The following STK3 variants were observed in gnomAD, a reference collection of about 807,000 sequenced individuals.
STK3 encodes the protein serine/threonine-protein kinase 3.
In STK3, 41 loss-of-function variants were observed where a neutral mutation model predicts 58.0. The observed-to-expected ratio is 0.71, with a 90% CI of 0.55 to 0.92. STK3 has a LOEUF of 0.92. STK3 is among the 40% of genes least tolerant of loss of function. STK3 has a pLI of 0.00. For missense variants in STK3, 479 were observed against 602.7 expected (o/e 0.79, Z 2.15); for synonymous variants, 170 against 191.0 (o/e 0.89, Z 0.91).
chr8:98,420,445 A>C (rs1179069963), intron 3 of STK3, among the ~76,000 whole-genome samples: 1 of 152,244 alleles, frequency 6.6e-6, no homozygotes, highest in African/African-American at 2.4e-5. Flanking sequence ...TTTATGAATT[A>C]AACTTTATCA....
intron 1 of STK3, among the ~76,000 whole-genome samples, chr8:98,915,944 T>A (rs553436381): frequency 1.3e-5 from 2 of 152,178 alleles, no homozygotes; most frequent in Non-Finnish European, 2.9e-5. Context: ...AAATTCCTCC[T>A]GTTTCAAAGA....
At chr8:98,918,492 G>T (rs778219792) in intron 1 of STK3, among the ~76,000 whole-genome samples, 27 of 152,146 alleles carry the variant, frequency 1.8e-4, no homozygotes, top group Non-Finnish European at 3.1e-4. Flanking sequence ...AAAGAAGATC[G>T]GGTGTGGTGG....
At chr8:98,594,339 T>C (rs1815614427) in intron 7 of STK3, among the ~76,000 whole-genome samples, 1 of 151,750 alleles carries the variant, frequency 6.6e-6, no homozygotes, top group Non-Finnish European at 1.5e-5. Context: ...GTGGCTCATG[T>C]CTGTAATCCC....
At chr8:98,394,668 A>G (rs768585232) in intron 3 of STK3, among the ~76,000 whole-genome samples, 3 of 152,258 alleles carry the variant, frequency 2.0e-5, no homozygotes, top group Non-Finnish European at 4.4e-5. Context: ...TGGGGATAAG[A>G]AGAATAAAAA....
chr8:98,888,868 T>C (rs79381511), intron 1 of STK3, among the ~76,000 whole-genome samples: 2,779 of 152,308 alleles, frequency 0.018, 83 homozygotes, highest in African/African-American at 0.064. Flanking sequence ...TTAAGGCTTT[T>C]CCTCTGGCCA....
intron 6 of STK3, among the ~76,000 whole-genome samples, chr8:98,629,461 A>G (rs916203600): frequency 2.0e-5 from 3 of 152,200 alleles, no homozygotes; most frequent in Non-Finnish European, 4.4e-5. Flanking sequence ...CAAATCAAAT[A>G]TGGGGAACCC....
intron 6 of STK3, among the ~76,000 whole-genome samples, chr8:98,690,265 C>T (rs1481221419): frequency 6.6e-6 from 1 of 152,132 alleles, no homozygotes; most frequent in Non-Finnish European, 1.5e-5. Flanking sequence ...TCTCTCTTCA[C>T]TGACAATATA....
chr8:98,609,527 C>A (rs562832532), intron 6 of STK3, among the ~76,000 whole-genome samples: 8 of 151,746 alleles, frequency 5.3e-5, no homozygotes, highest in Non-Finnish European at 1.0e-4. Flanking sequence ...TAAGACTATG[C>A]GGAAAAAATA....
the STK3 span, among the ~76,000 whole-genome samples, chr8:98,356,566 G>C: frequency 6.6e-6 from 1 of 151,510 alleles, no homozygotes; most frequent in Admixed American, 6.6e-5. Context: ...AGCCAGGGGG[G>C]CTCCAGTACA....
intron 3 of STK3, among the ~76,000 whole-genome samples, chr8:98,846,047 C>G (rs927376482): frequency 6.6e-6 from 1 of 152,178 alleles, no homozygotes; most frequent in Non-Finnish European, 1.5e-5. Context: ...GCAAAAGCAC[C>G]AAAATGCCTC....
intron 10 of STK3, among the ~76,000 whole-genome samples, chr8:98,514,418 G>GTTAT (rs1479865485): frequency 2.6e-5 from 4 of 151,926 alleles, no homozygotes; most frequent in Non-Finnish European, 5.9e-5. Context: ...CTGTTTAAAA[G>GTTAT]TTATTTACAC....
chr8:98,525,428 C>CA (rs74275395), intron 10 of STK3, among the ~76,000 whole-genome samples: 2,005 of 119,212 alleles, frequency 0.017, 15 homozygotes, highest in Middle Eastern at 0.038. Context: ...AAATTTATGC[C>CA]AAAAAAAAAA....
chr8:98,738,905 G>A (rs561968185), intron 4 of STK3, among the ~76,000 whole-genome samples: 46 of 152,350 alleles, frequency 3.0e-4, no homozygotes, highest in Non-Finnish European at 3.2e-4. Flanking sequence ...GCGCTTTTCC[G>A]ACGCGCTTAA....
At chr8:98,592,780 T>TATTC (rs1815441737) in intron 7 of STK3, among the ~76,000 whole-genome samples, 1 of 148,856 alleles carries the variant, frequency 6.7e-6, no homozygotes, top group Admixed American at 6.7e-5. Flanking sequence ...TTTATTTATT[T>TATTC]TGAGACAGAG....
intron 1 of STK3, among the ~76,000 whole-genome samples, chr8:98,909,243 G>T (rs1281896673): frequency 6.6e-6 from 1 of 152,132 alleles, no homozygotes; most frequent in Non-Finnish European, 1.5e-5. Flanking sequence ...GCTCCTGGCC[G>T]TGGAATTTTT....
At chr8:98,720,491 C>T (rs865815569) in intron 4 of STK3, among the ~76,000 whole-genome samples, 1 of 152,028 alleles carries the variant, frequency 6.6e-6, no homozygotes, top group Non-Finnish European at 1.5e-5. Context: ...TGGCTCACGC[C>T]TGTAATCCCA....
In STK3 at chr8:98,619,337, C is replaced by T. The variant is rs986162656; in HGVS notation, c.685-23168G>A. Among the ~76,000 whole-genome samples, 17 of 151,894 alleles carry T rather than the reference C, an allele frequency of 1.1e-4. 1 individual carries two copies. Among genetic ancestry groups the T allele is most frequent in the South Asian group, 1.0e-3 (5 of 4,824 alleles). On this transcript the variant is annotated intron_variant, in intron 6 of 10. Coordinates refer to ENST00000419617, the MANE Select transcript of STK3 (RefSeq NM_006281.4). ...ATTCAAGATGGAGTAAAGATTTAAA[C>T]GTTAGTCCTAAAACCATAAAAACCC...
chr8:98,435,570 G>A (rs934457532), intron 2 of STK3, among the ~76,000 whole-genome samples: 3 of 152,052 alleles, frequency 2.0e-5, no homozygotes, highest in Admixed American at 6.6e-5. Flanking sequence ...AGGGAGTGGG[G>A]TGGGGAGGAG....
chr8:98,771,836 C>T (rs917310871), intron 2 of STK3, among the ~76,000 whole-genome samples: 20 of 152,220 alleles, frequency 1.3e-4, no homozygotes, highest in African/African-American at 4.1e-4. Context: ...ATCCACCCAC[C>T]TCGGCCTCCC....
Sources: allele counts gnomAD v4.1 joint callset (sites outside exome capture counted in the v4.1 genomes callset), GRCh38; gene constraint gnomAD v4.1.1; transcripts MANE v1.5; gene names NCBI Gene and HGNC (gene_info 2026-07-23, HGNC 2026-07-21).